Variants in RPS3 observed in about 807,000 individuals in gnomAD.
The protein encoded by RPS3 is small ribosomal subunit protein uS3.
RPS3 carries 2 observed loss-of-function variants against 25.8 expected under a neutral mutation model. That is an observed-to-expected ratio of 0.08 (90% CI 0.03 to 0.24). RPS3 has a LOEUF of 0.24. RPS3 is among the 10% of genes least tolerant of loss of function. The pLI is 1.00. For synonymous variants in RPS3, 114 were observed against 114.2 expected, an observed-to-expected ratio of 1.00 and a Z score of 0.01; for missense variants, 107 against 307.1, an observed-to-expected ratio of 0.35 and a Z score of 4.87.
At chr11:75,411,684 C>A (rs1294140890), downstream of RPS3, among the ~76,000 whole-genome samples, 2 of 152,200 alleles carry the variant, frequency 1.3e-5, no homozygotes, top group East Asian at 1.9e-4. Flanking sequence ...GCCACTGCAC[C>A]CAGCCCTTAA....
downstream of RPS3, among the ~76,000 whole-genome samples, chr11:75,409,829 T>A (rs1231899037): frequency 3.6e-3 from 289 of 80,002 alleles, no homozygotes; most frequent in African/African-American, 8.1e-3. Flanking sequence ...CCCCCCCACC[T>A]CCCTCCCGGA....
rs1948222428 is a variant in RPS3 at position 75,402,368 on chromosome 11, T to A, written c.272T>A (p.Val91Glu). Residue 91 changes from valine (V) to glutamate (E), a missense_variant, in exon 4 of 7, where the codon GTG becomes GAG. Physicochemically the swap from Val to Glu is moderately radical, Grantham distance 121. Transcript: ENST00000531188. ...EGSVELYAEK[V>E]ATRGLCAIAQ... ...CCTTTAAAGCTTTATGCTGAAAAGG[T>A]GGCCACTAGAGGTCTGTGTGCCATT... The A allele has an allele frequency of 6.2e-7, 1 of 1,613,760 alleles. No homozygotes were observed. Among genetic ancestry groups the A allele is most frequent in the South Asian group, 1.1e-5 (1 of 91,076 alleles).
Position 75,404,712 on chromosome 11 carries a change from C to T in RPS3, c.579C>T (p.Asp193=). 6.2e-7 allele frequency: 1 copy of T among 1,613,246 alleles called. No homozygotes were observed. Among genetic ancestry groups the T allele is most frequent in the Non-Finnish European group, 8.5e-7 (1 of 1,179,852 alleles). Residue 193 remains aspartate, a synonymous_variant, in exon 6 of 7, where the codon GAC becomes GAT. Coordinates refer to ENST00000531188, the MANE Select transcript of RPS3 (RefSeq NM_001005.5). The surrounding 1 kb of genome is among the most constrained non-coding windows in gnomAD (Gnocchi z 4.6). ...GIKVKIMLPW[D]PTGKIGPKKP... is the part of the protein sequence containing the mutation. ...AGGTGAAGATCATGCTGCCCTGGGACCCAACTGGTAAGATTGGCCCTAAGA... is the reference window on the plus strand; with the variant it reads ...AGGTGAAGATCATGCTGCCCTGGGATCCAACTGGTAAGATTGGCCCTAAGA...
chr11:75,416,333 G>A (rs1322231250), intron 6 of RPS3, among the ~76,000 whole-genome samples: 1 of 152,156 alleles, frequency 6.6e-6, no homozygotes, highest in African/African-American at 2.4e-5. Context: ...ACTGACTACA[G>A]GTGCCATGCT....
chr11:75,416,615 C>T (rs1306174225), intron 6 of RPS3, among the ~76,000 whole-genome samples: 2 of 152,034 alleles, frequency 1.3e-5, no homozygotes, highest in African/African-American at 2.4e-5. Context: ...TGCACTAGCA[C>T]ACCTGGCTAA....
At position 75,400,766 on chromosome 11, in the gene RPS3, T is replaced by C. The variant is rs1948197972; in HGVS notation, c.103T>C (p.Ser35Pro). The part of the protein sequence containing the change: ...LTRELAEDGY[S>P]GVEVRVTPTR... The stretch of plus-strand genomic sequence containing the variant: ...TCGGGAGCTGGCTGAAGATGGCTAC[T>C]CTGGAGTTGAGGTGCGAGTTACACC... Residue 35 changes from serine to proline, a missense_variant, in exon 2 of 7, where the codon TCT becomes CCT. Coordinates refer to ENST00000531188, the MANE Select transcript of RPS3 (RefSeq NM_001005.5). 6.2e-7 allele frequency: 1 copy of C among 1,613,022 alleles called. No homozygotes were observed. The highest frequency in any genetic ancestry group is 1.1e-5 in the South Asian group (1 of 91,044).
downstream of RPS3, among the ~76,000 whole-genome samples, chr11:75,409,429 C>T (rs1948321495): frequency 7.5e-6 from 1 of 133,364 alleles, no homozygotes; most frequent in East Asian, 2.1e-4. Flanking sequence ...TAACAAAGCA[C>T]ATCTTGCACC....
chr11:75,409,203 T>C (rs192895273), downstream of RPS3, among the ~76,000 whole-genome samples: 2,621 of 149,796 alleles, frequency 0.017, 80 homozygotes, highest in African/African-American at 0.06. Flanking sequence ...ATTTATTTTT[T>C]TATTGATCAT....
At chr11:75,415,239 G>A (rs1948386464) in intron 6 of RPS3, among the ~76,000 whole-genome samples, 1 of 152,244 alleles carries the variant, frequency 6.6e-6, no homozygotes, top group Non-Finnish European at 1.5e-5. Context: ...CACTGATTGA[G>A]TGGGTGACCT....
chr11:75,412,503 A>G (rs561964969), intron 6 of RPS3, among the ~76,000 whole-genome samples: 1 of 152,246 alleles, frequency 6.6e-6, no homozygotes, highest in East Asian at 1.9e-4. Flanking sequence ...CCATTTCAAA[A>G]TAGGGTTTGG....
At position 75,404,781 on chromosome 11, in the gene RPS3, G is replaced by A; in HGVS notation, c.648G>A (p.Glu216=). ...DHVSIVEPKD[E]ILPTTPISEQ... ...TGAGCATTGTGGAACCCAAAGATGA[G>A]ATACTGCCCACCACCCCCATCTCAG... Residue 216 remains glutamate (E), a synonymous_variant, in exon 6 of 7, where the codon GAG becomes GAA. Transcript: ENST00000531188. This position sits in a 1 kb window ranked among gnomAD's most constrained non-coding sequence, Gnocchi z 4.6. 1 of 1,613,852 alleles carries A rather than the reference G, an allele frequency of 6.2e-7. No individual in the cohort carries two copies. The highest frequency in any genetic ancestry group is 2.2e-5 in the East Asian group (1 of 44,870).
At chr11:75,409,923 G>A (rs1948329710), downstream of RPS3, among the ~76,000 whole-genome samples, 1 of 147,294 alleles carries the variant, frequency 6.8e-6, no homozygotes, top group African/African-American at 2.5e-5. Context: ...CGGACGGGGC[G>A]GCCGGCCGGG....
chr11:75,401,434 G>C (rs1267586248), intron 2 of RPS3, among the ~76,000 whole-genome samples: 1 of 152,106 alleles, frequency 6.6e-6, no homozygotes, highest in African/African-American at 2.4e-5. Flanking sequence ...AGAGGTTCAG[G>C]CTGCAGTGAG....
rs1361678487 is a variant in RPS3 at position 75,404,378 on chromosome 11, G to C, written c.538+171G>C. ...AGAATCGATTTGCTGAGATCTGTCA[G>C]ATCCAAGAGTTGGTTTGTCCTTGTT... On this transcript the variant is annotated intron_variant, in intron 5 of 6. Transcript: ENST00000531188. This position sits in a 1 kb window ranked among gnomAD's most constrained non-coding sequence, Gnocchi z 4.6. 1 of 808,558 alleles carries C rather than the reference G, an allele frequency of 1.2e-6. No individual in the cohort carries two copies. The highest frequency in any genetic ancestry group is 2.2e-6 in the Non-Finnish European group (1 of 462,130). 50.1% of individuals were successfully genotyped at this position (808,558 alleles called of 1,614,324 possible).
chr11:75,405,568 A>G (rs892780300), intron 6 of RPS3, 46 bp from the exon 7 acceptor site: 5 of 453,734 alleles, frequency 1.1e-5, no homozygotes, highest in African/African-American at 1.0e-4. Context: ...CAGGAACTTA[A>G]TAACTCTGGT....
chr11:75,405,621 T>C lies in RPS3; in HGVS notation c.*11T>C, dbSNP rs1948276090. ...TGCTTTATTTGGTTTCAGGGTCTCC[T>C]TGGCAGCTGTATTCTGGAGTCTGGA... On this transcript the variant is annotated 3_prime_UTR_variant, in exon 7 of 7. Transcript: ENST00000531188. The C allele has an allele frequency of 2.2e-6, 1 of 456,156 alleles. No homozygotes were observed. The highest frequency in any genetic ancestry group is 4.4e-6 in the Non-Finnish European group (1 of 226,970). The allele number at this position is 456,156 out of a possible 1,614,324, so 28.3% of individuals were successfully genotyped here. A position where few individuals can be genotyped will look rare whatever the true frequency, so the allele number is the denominator to read the frequency against.
In RPS3 at chr11:75,405,777, TGTG is replaced by T. The variant is rs943590256; in HGVS notation, c.*170_*172del. The T allele has an allele frequency of 2.5e-6, 1 of 392,936 alleles. No individual in the cohort carries two copies. Among genetic ancestry groups the T allele is most frequent in the African/African-American group, 2.1e-5 (1 of 47,494 alleles). 24.3% of individuals were successfully genotyped at this position (392,936 alleles called of 1,614,324 possible). On this transcript the variant is annotated 3_prime_UTR_variant, in exon 7 of 7. Transcript: ENST00000531188. Reference sequence around the variant, plus strand: ...ATATCTTCTTGGTTTTAACCATACTTGTGGTATTTGCAAGGGCCAGAACAGTAA... The same window carrying T: ...ATATCTTCTTGGTTTTAACCATACTTGTATTTGCAAGGGCCAGAACAGTAA...
chr11:75,421,348 TC>T (rs1948443441), intron 6 of RPS3, among the ~76,000 whole-genome samples: 2 of 152,156 alleles, frequency 1.3e-5, no homozygotes. Flanking sequence ...TGATCGCTCT[TC>T]TTCCAAAGGC....
At chr11:75,421,617 G>C (rs1481150329) in intron 6 of RPS3, 1 of 152,248 alleles carries the variant, frequency 6.6e-6, no homozygotes, top group Admixed American at 6.5e-5. Flanking sequence ...AGGGTGACTG[G>C]CTTCTCAGAG....
Sources: gnomAD v4.1 joint callset for allele counts (sites outside exome capture counted in the v4.1 genomes callset) on GRCh38, gnomAD v4.1.1 for gene constraint, Gnocchi (gnomAD v3.1) non-coding constraint, MANE v1.5 for transcripts, NCBI Gene and HGNC (gene_info 2026-07-23, HGNC 2026-07-21) for gene names.